The following RFX3 variants were observed in gnomAD, a reference collection of about 807,000 sequenced individuals.
RFX3 encodes the protein transcription factor RFX3.
RFX3 carries 14 observed loss-of-function variants against 98.6 expected under a neutral mutation model. The ratio of observed to expected loss-of-function variants is 0.14; its 90% CI spans 0.09 to 0.22. The LOEUF is 0.22. Ranked by LOEUF, RFX3 falls within the 10% of genes least tolerant of loss-of-function variation. The pLI is 1.00. For synonymous variants in RFX3, 383 were observed against 328.4 expected (o/e 1.17, Z -1.80); for missense variants, 639 against 926.9 (o/e 0.69, Z 4.03).
intron 1 of RFX3, among the ~76,000 whole-genome samples, chr9:3,459,122 C>T (rs756922046): frequency 6.6e-6 from 1 of 152,110 alleles, no homozygotes; most frequent in Admixed American, 6.5e-5. Flanking sequence ...AACTCATACG[C>T]ACCCTATCAC....
chr9:3,387,045 T>TCTTTCATGCTTTC, intron 2 of RFX3, among the ~76,000 whole-genome samples: 1 of 152,272 alleles, frequency 6.6e-6, no homozygotes, highest in Admixed American at 6.5e-5. Flanking sequence ...TCACTTGAAA[T>TCTTTCATGCTTTC]CTTTCATGCT....
chr9:3,504,916 T>A (rs1191530629), intron 1 of RFX3, among the ~76,000 whole-genome samples: 8 of 74,870 alleles, frequency 1.1e-4, no homozygotes, highest in Non-Finnish European at 1.5e-4. Context: ...ATATATATAA[T>A]ATAACATATA....
intron 11 of RFX3, among the ~76,000 whole-genome samples, chr9:3,266,621 GA>G (rs1563828284): frequency 6.6e-6 from 1 of 151,736 alleles, no homozygotes. Flanking sequence ...TTCTTGCTTG[GA>G]AAAAAACACT....
intron 1 of RFX3, among the ~76,000 whole-genome samples, chr9:3,525,418 T>A (rs1181323383): frequency 6.6e-6 from 1 of 152,184 alleles, no homozygotes; most frequent in Non-Finnish European, 1.5e-5. Flanking sequence ...AGCATCCGCA[T>A]CGGAAAACTG....
chr9:3,239,223 T>C (rs1819590646), intron 15 of RFX3, among the ~76,000 whole-genome samples: 2 of 152,262 alleles, frequency 1.3e-5, no homozygotes, highest in African/African-American at 4.8e-5. Context: ...AAAAGGTTGC[T>C]GACTTTAATT....
At chr9:3,474,448 C>T (rs754071026) in intron 1 of RFX3, among the ~76,000 whole-genome samples, 3 of 152,174 alleles carry the variant, frequency 2.0e-5, no homozygotes, top group Non-Finnish European at 4.4e-5. Flanking sequence ...CCTTTACCTA[C>T]ACCATTTGCA....
chr9:3,306,081 C>T (rs1829282330), intron 4 of RFX3, among the ~76,000 whole-genome samples: 1 of 152,014 alleles, frequency 6.6e-6, no homozygotes, highest in Non-Finnish European at 1.5e-5. Context: ...TACCACAATA[C>T]TCATGACTGT....
chr9:3,523,123 A>C (rs775014365), intron 1 of RFX3, among the ~76,000 whole-genome samples: 1 of 152,240 alleles, frequency 6.6e-6, no homozygotes, highest in Non-Finnish European at 1.5e-5. Flanking sequence ...TAGGCAAAAC[A>C]CACCAAAACG....
intron 15 of RFX3, among the ~76,000 whole-genome samples, chr9:3,238,745 G>A (rs899824334): frequency 2.0e-5 from 3 of 152,238 alleles, no homozygotes; most frequent in Admixed American, 2.0e-4. Flanking sequence ...TAATAAAAGT[G>A]ATCAGTCCGA....
intron 1 of RFX3, among the ~76,000 whole-genome samples, chr9:3,470,035 G>A (rs1004414794): frequency 1.3e-5 from 2 of 152,056 alleles, no homozygotes; most frequent in Non-Finnish European, 1.5e-5. Flanking sequence ...AGAAGGTCAA[G>A]AACCATTAGT....
intron 15 of RFX3, chr9:3,247,347 GT>G: frequency 1.0e-6 from 1 of 987,918 alleles, no homozygotes; most frequent in Non-Finnish European, 1.2e-6. Flanking sequence ...ATCATTAGTG[GT>G]TAGAAGCATA....
At position 3,257,079 on chromosome 9, in the gene RFX3, C is replaced by T; in HGVS notation, c.1726G>A (p.Val576Met). 1 of 1,614,018 alleles carries T rather than the reference C, an allele frequency of 6.2e-7. No homozygotes were observed. Among genetic ancestry groups the T allele is most frequent in the Non-Finnish European group, 8.5e-7 (1 of 1,179,988 alleles). ...TAGGGTTTCAGTGCTTGCATCATCA[C>T]ATTGTCAAGCCACGCAGCCCACTGC... ...LEQWAAWLDN[V>M]MMQALKPYEG... The change falls in exon 14 of 17, where the codon GTG (valine) becomes ATG (methionine). Residue 576 changes from valine (V) to methionine (M), a missense_variant. Val to Met is a conservative substitution (Grantham distance 21, BLOSUM62 1). Transcript: ENST00000617270.
At chr9:3,428,832 A>C (rs1445363426) in intron 1 of RFX3, among the ~76,000 whole-genome samples, 2 of 152,110 alleles carry the variant, frequency 1.3e-5, no homozygotes, top group African/African-American at 4.8e-5. Flanking sequence ...AATAAAGCGT[A>C]TTTTTGCCAA....
At chr9:3,291,404 A>C (rs1225060822) in intron 6 of RFX3, among the ~76,000 whole-genome samples, 2 of 104,796 alleles carry the variant, frequency 1.9e-5, no homozygotes, top group African/African-American at 9.7e-5. Context: ...ACAAAACAAA[A>C]CAAAACAAAA....
intron 1 of RFX3, among the ~76,000 whole-genome samples, chr9:3,477,013 C>T (rs1016731890): frequency 3.9e-5 from 6 of 152,140 alleles, no homozygotes; most frequent in Admixed American, 1.3e-4. Context: ...TGATGTAATA[C>T]ATATATGTCA....
intron 4 of RFX3, among the ~76,000 whole-genome samples, chr9:3,326,256 G>A (rs1046470461): frequency 6.6e-6 from 1 of 152,024 alleles, no homozygotes; most frequent in African/African-American, 2.4e-5. Context: ...GACTAAATTT[G>A]AGTATTAGTA....
At chr9:3,228,943 T>A (rs1021970714) in intron 15 of RFX3, 54 bp from the exon 16 acceptor site, 1 of 1,482,556 alleles carries the variant, frequency 6.7e-7, no homozygotes, top group Non-Finnish European at 9.3e-7. Context: ...AATAAAATAA[T>A]ACTCTATCAG....
chr9:3,301,109 T>G (rs1828600485), intron 5 of RFX3, among the ~76,000 whole-genome samples: 3 of 151,888 alleles, frequency 2.0e-5, no homozygotes, highest in Admixed American at 1.3e-4. Context: ...TCAAACAGTT[T>G]ATCATTGGAT....
At chr9:3,300,467 A>C (rs1828511811) in intron 5 of RFX3, among the ~76,000 whole-genome samples, 1 of 151,786 alleles carries the variant, frequency 6.6e-6, no homozygotes, top group Non-Finnish European at 1.5e-5. Context: ...TAAGATATAA[A>C]ATTAAAATTT....
Sources: gnomAD v4.1 joint callset for allele counts (sites outside exome capture counted in the v4.1 genomes callset) on GRCh38, gnomAD v4.1.1 for gene constraint, MANE v1.5 for transcripts, NCBI Gene and HGNC (gene_info 2026-07-23, HGNC 2026-07-21) for gene names.